The following WDR1 variants were observed in gnomAD, a reference collection of about 807,000 sequenced individuals.
WDR1 encodes the protein WD repeat-containing protein 1.
A neutral mutation model predicts 71.9 loss-of-function variants in WDR1; 21 were observed. The ratio of observed to expected loss-of-function variants is 0.29; its 90% CI spans 0.21 to 0.42. The LOEUF (loss-of-function observed/expected upper bound fraction) is 0.42, where lower values mean the gene tolerates loss of function less well. Among genes scored for constraint, WDR1 ranks in the 10% least tolerant of loss-of-function variants. WDR1 has a pLI of 1.00. For synonymous variants in WDR1, 424 were observed against 347.4 expected (o/e 1.22, Z -2.45); for missense variants, 696 against 824.5 (o/e 0.84, Z 1.91).
intron 5 of WDR1, chr4:10,096,390 C>T (rs1221789335): frequency 6.6e-6 from 1 of 152,306 alleles, no homozygotes; most frequent in Non-Finnish European, 1.5e-5. Context: ...TTCAATACAG[C>T]TCCCAAAATA....
In WDR1 at chr4:10,075,109, A is replaced by G; in HGVS notation, c.*269T>C. ...GCCTCTGGAATGTTTCGCATTCTCA[A>G]GGTTTGGTTGGGCTGTGGGTTTTAG... On this transcript the variant is annotated 3_prime_UTR_variant, in exon 15 of 15. Coordinates refer to ENST00000499869, the MANE Select transcript of WDR1 (RefSeq NM_017491.5). 2.1e-6 allele frequency: 1 copy of G among 474,406 alleles called. No individual in the cohort carries two copies. Among genetic ancestry groups the G allele is most frequent in the Non-Finnish European group, 3.7e-6 (1 of 269,100 alleles). The allele number at this position is 474,406 out of a possible 1,614,324, so 29.4% of individuals were successfully genotyped here.
At chr4:10,087,637 T>C (rs1187518624) in intron 8 of WDR1, 70 bp downstream of exon 8, 5 of 1,440,698 alleles carry the variant, frequency 3.5e-6, no homozygotes, top group Non-Finnish European at 4.7e-6. Context: ...CGGTTCCCCT[T>C]CCTTGCTGGC....
chr4:10,077,491 A>G (rs1025427952), intron 13 of WDR1, 43 bp from the exon 14 acceptor site: 2 of 1,613,138 alleles, frequency 1.2e-6, no homozygotes, highest in African/African-American at 2.7e-5. Context: ...GGTCAGGTTC[A>G]GGCCGCAGTT....
rs1247659952 is a variant in WDR1, at chr4:10,087,867, C to T, written c.791G>A (p.Ser264Asn). ...GDKTSKIWDVSVNSVVSTFPM... is the reference protein window; with the variant it reads ...GDKTSKIWDVNVNSVVSTFPM... The stretch of plus-strand genomic sequence containing the variant: ...AAATGTGCTGACCACGGAGTTCACG[C>T]TGACGTCCCAAATCTTGGAAGTTTT... Residue 264 changes from serine (S) to asparagine (N), a missense_variant, in exon 8 of 15, where the codon AGC becomes AAC. Coordinates refer to ENST00000499869, the MANE Select transcript of WDR1 (RefSeq NM_017491.5). 1 of 1,569,260 alleles carries T rather than the reference C, an allele frequency of 6.4e-7. No individual in the cohort carries two copies.
intron 2 of WDR1, among the ~76,000 whole-genome samples, chr4:10,114,579 C>A (rs955858331): frequency 3.3e-5 from 5 of 152,218 alleles, no homozygotes; most frequent in Non-Finnish European, 1.5e-5. Flanking sequence ...AACGAAATAT[C>A]CTACTGCTCT....
chr4:10,113,491 C>A (rs1338854188), intron 2 of WDR1, among the ~76,000 whole-genome samples: 1 of 152,184 alleles, frequency 6.6e-6, no homozygotes, highest in Non-Finnish European at 1.5e-5. Context: ...AGCAAGGAGG[C>A]AAGAACGCTG....
intron 2 of WDR1, among the ~76,000 whole-genome samples, chr4:10,114,542 C>T (rs930736084): frequency 3.9e-5 from 6 of 152,236 alleles, no homozygotes; most frequent in Admixed American, 6.5e-5. Context: ...TGGACTGCAA[C>T]GACAGGGAAG....
chr4:10,085,077 C>T (rs1264421601), intron 8 of WDR1, among the ~76,000 whole-genome samples: 1 of 152,234 alleles, frequency 6.6e-6, no homozygotes, highest in Non-Finnish European at 1.5e-5. Flanking sequence ...CCTAACCTCC[C>T]TGACTGCTGC....
At chr4:10,115,968 G>T in intron 2 of WDR1, 145 bp downstream of exon 2, 1 of 1,132,298 alleles carries the variant, frequency 8.8e-7, no homozygotes, top group Non-Finnish European at 1.2e-6. Flanking sequence ...CCGGGGCTCC[G>T]AGGTGTGGCT....
intron 5 of WDR1, chr4:10,092,109 G>C (rs1010326077): frequency 6.6e-6 from 1 of 152,250 alleles, no homozygotes; most frequent in Admixed American, 6.5e-5. Context: ...CGCTGACTTC[G>C]CACTGGCTCC....
rs370839230 is a variant in WDR1 at position 10,089,356 on chromosome 4, T to C, written c.559-615A>G. Among the ~76,000 whole-genome samples the C allele has an allele frequency of 7.0e-4, 106 of 152,338 alleles. 2 individuals carry two copies. The South Asian group carries it at 0.012, about 17-fold the overall frequency. On this transcript the variant is annotated intron_variant, in intron 5 of 14. Transcript: ENST00000499869. ...TATCCTGACCTCATGTTTCCCCGCT[T>C]TGGCCTCCCAAAGTGCTGGGATTAC...
At chr4:10,107,633 C>T (rs1469146352) in intron 2 of WDR1, among the ~76,000 whole-genome samples, 3 of 152,188 alleles carry the variant, frequency 2.0e-5, no homozygotes, top group African/African-American at 7.2e-5. Context: ...GACCCCTTCC[C>T]CAGTGGCCTC....
intron 8 of WDR1, among the ~76,000 whole-genome samples, chr4:10,084,917 A>G (rs2109649696): frequency 6.6e-6 from 1 of 152,338 alleles, no homozygotes; most frequent in South Asian, 2.1e-4. Context: ...GGGTCGGTCC[A>G]GGAGGACTTC....
chr4:10,116,538 C>T, intron 1 of WDR1, 113 bp downstream of exon 1: 1 of 865,606 alleles, frequency 1.2e-6, no homozygotes, highest in Non-Finnish European at 1.4e-6. Flanking sequence ...CCGGCGCCCG[C>T]ACCCCTCCCC....
Position 10,088,216 on chromosome 4 carries a change from GGAGT to G in WDR1, c.717+73_717+76del, listed in dbSNP as rs1000686925. 11 of 1,373,720 alleles carry G rather than the reference GGAGT, an allele frequency of 8.0e-6. No individual in the cohort carries two copies. The South Asian group carries it at 9.9e-5, about 12-fold the overall frequency. 85.1% of individuals were successfully genotyped at this position (1,373,720 alleles called of 1,614,324 possible). On this transcript the variant is annotated intron_variant, in intron 7 of 14. Transcript: ENST00000499869. Reference sequence around the variant, plus strand: ...TCATTTCAAGTTTTTGTCTAACTCCGGAGTGAGTGTGGATGGACTGACACGTGGA... The same window carrying G: ...TCATTTCAAGTTTTTGTCTAACTCCGGAGTGTGGATGGACTGACACGTGGA...
chr4:10,075,929 GC>G (rs1764784326), intron 14 of WDR1: 1 of 173,808 alleles, frequency 5.8e-6, no homozygotes, highest in African/African-American at 2.4e-5. Context: ...GACTGGGGGG[GC>G]CACTGACTTT....
intron 5 of WDR1, among the ~76,000 whole-genome samples, chr4:10,094,252 T>C (rs1240660194): frequency 6.6e-6 from 1 of 152,162 alleles, no homozygotes; most frequent in Non-Finnish European, 1.5e-5. Context: ...CACCAACTCC[T>C]GGGACCTAGG....
At chr4:10,095,819 C>A (rs952320583) in intron 5 of WDR1, 15 of 152,300 alleles carry the variant, frequency 9.8e-5, no homozygotes, top group Admixed American at 9.2e-4. Flanking sequence ...GCATGACTCA[C>A]CCGAGGGGGG....
intron 3 of WDR1, among the ~76,000 whole-genome samples, chr4:10,101,834 G>A (rs765649292): frequency 1.1e-4 from 17 of 152,248 alleles, no homozygotes; most frequent in Non-Finnish European, 1.6e-4. Flanking sequence ...AGAGCATTCG[G>A]CTCCATGTTA....
Sources: gnomAD v4.1 joint callset for allele counts (sites outside exome capture counted in the v4.1 genomes callset) on GRCh38, gnomAD v4.1.1 for gene constraint, MANE v1.5 for transcripts, NCBI Gene and HGNC (gene_info 2026-07-23, HGNC 2026-07-21) for gene names.